The following PLEKHA7 variants were observed in gnomAD, a reference collection of about 807,000 sequenced individuals.
PLEKHA7 encodes the protein pleckstrin homology domain-containing family A member 7.
Under a neutral mutation model 170.0 loss-of-function variants are expected in PLEKHA7, and 104 were observed. The observed-to-expected ratio is 0.61, with a 90% CI of 0.52 to 0.72. The LOEUF (loss-of-function observed/expected upper bound fraction) is 0.72. Among genes scored for constraint, PLEKHA7 ranks in the 30% least tolerant of loss-of-function variants. PLEKHA7 has a pLI of 0.00. For missense variants in PLEKHA7, 1,615 were observed against 1,671.7 expected, an observed-to-expected ratio of 0.97 and a Z score of 0.59; for synonymous variants, 648 against 660.8, an observed-to-expected ratio of 0.98 and a Z score of 0.30.
rs2135881238 is a variant in PLEKHA7, at chr11:16,887,492, T to C, written c.222-16310A>G. Among the ~76,000 whole-genome samples, 2 of 152,240 alleles carry C rather than the reference T, an allele frequency of 1.3e-5. 1 individual carries two copies. The highest frequency in any genetic ancestry group is 4.1e-4 in the South Asian group (2 of 4,820). ...CCATCTCGGCTCACTGCAACCTCCC[T>C]GCCTGATTCTCCTGCCTCAGCCTGC... On this transcript the variant is annotated intron_variant, in intron 3 of 26. Coordinates refer to ENST00000531066, the MANE Select transcript of PLEKHA7 (RefSeq NM_001329630.2).
chr11:17,009,900 T>C (rs1324933596), intron 3 of PLEKHA7, among the ~76,000 whole-genome samples: 1 of 152,034 alleles, frequency 6.6e-6, no homozygotes, highest in African/African-American at 2.4e-5. Context: ...AAGTGTGGAA[T>C]TGCAGGCATG....
chr11:16,998,363 C>T (rs933815367), intron 3 of PLEKHA7, among the ~76,000 whole-genome samples: 2 of 152,150 alleles, frequency 1.3e-5, no homozygotes, highest in Non-Finnish European at 2.9e-5. Flanking sequence ...TCAGCACCAA[C>T]CAAGACCTCC....
chr11:16,900,949 G>C (rs1480390962), intron 3 of PLEKHA7, among the ~76,000 whole-genome samples: 1 of 151,546 alleles, frequency 6.6e-6, no homozygotes, highest in Non-Finnish European at 1.5e-5. Flanking sequence ...AGGTTCAAAT[G>C]ATTCTCCTGC....
chr11:16,895,071 G>T (rs542913871), intron 3 of PLEKHA7, among the ~76,000 whole-genome samples: 6 of 152,222 alleles, frequency 3.9e-5, no homozygotes, highest in Non-Finnish European at 7.4e-5. Context: ...CTCCAGAGGT[G>T]GAGTCAAAGG....
chr11:16,783,282 T>G (rs1398718027), intron 25 of PLEKHA7, among the ~76,000 whole-genome samples: 4 of 152,216 alleles, frequency 2.6e-5, no homozygotes, highest in Admixed American at 6.5e-5. Context: ...GCAATGCCTC[T>G]GGTGCCCTAC....
intron 3 of PLEKHA7, among the ~76,000 whole-genome samples, chr11:16,909,856 C>A (rs1195109450): frequency 6.6e-6 from 1 of 152,148 alleles, no homozygotes; most frequent in Non-Finnish European, 1.5e-5. Flanking sequence ...CATGGTTTCA[C>A]TTTTTATAAT....
intron 13 of PLEKHA7, among the ~76,000 whole-genome samples, chr11:16,805,862 C>CAA (rs1338992042): frequency 7.3e-5 from 11 of 151,464 alleles, no homozygotes; most frequent in Non-Finnish European, 4.4e-5. Context: ...GTTAGGAATT[C>CAA]AAAGGACTAT....
chr11:16,816,915 G>A lies in PLEKHA7; in HGVS notation c.1751C>T (p.Pro584Leu). 1.2e-6 allele frequency: 2 copies of A among 1,614,030 alleles called. No homozygotes were observed. The highest frequency in any genetic ancestry group is 8.5e-7 in the Non-Finnish European group (1 of 1,179,960). The stretch of plus-strand genomic sequence containing the variant: ...CTCTGCTGGTGTGTGTGGCCGCCGG[G>A]GTGGGAAGACCCTTGGGGGTCCTGG... ...PPPGPPRVFP[P>L]RRPHTPAERV... is the part of the protein sequence containing the mutation. The change falls in exon 11 of 27, where the codon CCC (proline) becomes CTC (leucine). Residue 584 changes from proline to leucine, a missense_variant. Physicochemically the swap from Pro to Leu is moderately conservative, Grantham distance 98. Coordinates refer to ENST00000531066, the MANE Select transcript of PLEKHA7 (RefSeq NM_001329630.2).
At chr11:16,874,523 A>G (rs1855132797) in intron 3 of PLEKHA7, among the ~76,000 whole-genome samples, 2 of 152,098 alleles carry the variant, frequency 1.3e-5, no homozygotes, top group African/African-American at 4.8e-5. Flanking sequence ...AACAAACAAA[A>G]AAGTGATAAG....
In PLEKHA7 at chr11:16,778,866, G is replaced by T; in HGVS notation, c.*132C>A. The stretch of plus-strand genomic sequence containing the variant: ...TGGCCTGTGGTGAACACCCGCAGTC[G>T]GTAAGCTGCTCCTTCCTCCGGCCGG... On this transcript the variant is annotated 3_prime_UTR_variant, in exon 27 of 27. Transcript: ENST00000531066. The T allele has an allele frequency of 1.5e-6, 1 of 687,948 alleles. No individual in the cohort carries two copies. Among genetic ancestry groups the T allele is most frequent in the South Asian group, 1.5e-5 (1 of 65,176 alleles). The allele number at this position is 687,948 out of a possible 1,614,324, so 42.6% of individuals were successfully genotyped here.
intron 9 of PLEKHA7, among the ~76,000 whole-genome samples, chr11:16,837,703 T>C (rs1247992832): frequency 6.6e-6 from 1 of 152,146 alleles, no homozygotes; most frequent in Non-Finnish European, 1.5e-5. Context: ...AAAAGAGATG[T>C]AGGTGTCTCT....
chr11:16,805,194 A>G (rs1183785904), intron 13 of PLEKHA7, among the ~76,000 whole-genome samples: 1 of 152,152 alleles, frequency 6.6e-6, no homozygotes, highest in African/African-American at 2.4e-5. Flanking sequence ...CCCTTATTTC[A>G]CTGAAGCTTT....
At chr11:16,946,016 G>A (rs1026234351) in intron 3 of PLEKHA7, among the ~76,000 whole-genome samples, 2 of 152,216 alleles carry the variant, frequency 1.3e-5, no homozygotes, top group African/African-American at 4.8e-5. Context: ...GGGAGCCACA[G>A]ACACAAACAG....
rs1205975751 is a variant in PLEKHA7 at position 16,907,019 on chromosome 11, G to A, written c.222-35837C>T. Among the ~76,000 whole-genome samples the A allele has an allele frequency of 1.6e-4, 23 of 146,786 alleles. No homozygotes were observed. The South Asian group carries it at 1.6e-3, about 10-fold the overall frequency. ...AGACCCTCTGCCTGGCAACCGCCCC[G>A]TCTGAGAAGTGAGGAGCCCCTCTGC... On this transcript the variant is annotated intron_variant, in intron 3 of 26. Coordinates refer to ENST00000531066, the MANE Select transcript of PLEKHA7 (RefSeq NM_001329630.2).
intron 3 of PLEKHA7, among the ~76,000 whole-genome samples, chr11:17,005,856 C>T (rs1349657007): frequency 2.0e-5 from 3 of 152,162 alleles, no homozygotes; most frequent in African/African-American, 4.8e-5. Context: ...AGTTTTTACC[C>T]TTGAAAATGC....
At chr11:16,851,677 G>T (rs768698110) in intron 7 of PLEKHA7, among the ~76,000 whole-genome samples, 2 of 152,104 alleles carry the variant, frequency 1.3e-5, no homozygotes. Context: ...TCGAATGCCT[G>T]ACCTCAGGTG....
At position 16,800,822 on chromosome 11, in the gene PLEKHA7, G is replaced by A. The variant is rs890003081; in HGVS notation, c.2409+152C>T. On this transcript the variant is annotated intron_variant, in intron 17 of 26. Coordinates refer to ENST00000531066, the MANE Select transcript of PLEKHA7 (RefSeq NM_001329630.2). ...AGGGATCCTCAAGGGAGAGCTTGGGGTGGCTCCTTTACAGGGGTGGAGCAT... is the reference window on the plus strand; with the variant it reads ...AGGGATCCTCAAGGGAGAGCTTGGGATGGCTCCTTTACAGGGGTGGAGCAT... 5.1e-5 allele frequency: 33 copies of A among 651,058 alleles called. No individual in the cohort carries two copies. The African/African-American group carries it at 5.4e-4, about 11-fold the overall frequency. The allele number at this position is 651,058 out of a possible 1,614,324, so 40.3% of individuals were successfully genotyped here. A position where few individuals can be genotyped will look rare whatever the true frequency, so the allele number is the denominator to read the frequency against.
chr11:16,901,941 A>G (rs1857366501), intron 3 of PLEKHA7, among the ~76,000 whole-genome samples: 1 of 152,144 alleles, frequency 6.6e-6, no homozygotes, highest in Admixed American at 6.5e-5. Flanking sequence ...CATCACCCCA[A>G]TCAAATTTAA....
At chr11:16,885,009 G>A (rs1314079779) in intron 3 of PLEKHA7, among the ~76,000 whole-genome samples, 1 of 149,708 alleles carries the variant, frequency 6.7e-6, no homozygotes, top group East Asian at 1.9e-4. Context: ...TGATTCCAGA[G>A]AAGACCTTCT....
Sources: allele counts gnomAD v4.1 joint callset (sites outside exome capture counted in the v4.1 genomes callset), GRCh38; gene constraint gnomAD v4.1.1; transcripts MANE v1.5; gene names NCBI Gene and HGNC (gene_info 2026-07-23, HGNC 2026-07-21).